Variants in ME3 observed in about 807,000 individuals in gnomAD.
ME3 encodes NADP-dependent malic enzyme, mitochondrial.
Under a neutral mutation model 68.9 loss-of-function variants are expected in ME3, and 48 were observed. The observed-to-expected ratio is 0.70, with a 90% confidence interval of 0.55 to 0.89. The LOEUF (loss-of-function observed/expected upper bound fraction) is 0.89. Among genes scored for constraint, ME3 ranks in the 40% least tolerant of loss-of-function variants. The pLI, the probability that ME3 is intolerant of heterozygous loss-of-function variation, is 0.00. For missense variants in ME3, 675 were observed against 797.4 expected (o/e 0.85, Z 1.85); for synonymous variants, 320 against 318.8 (o/e 1.00, Z -0.04).
At chr11:86,671,412 A>G (rs1946930838) in intron 2 of ME3, among the ~76,000 whole-genome samples, 2 of 152,244 alleles carry the variant, frequency 1.3e-5, no homozygotes, top group Non-Finnish European at 2.9e-5. Context: ...CAGATAAGGA[A>G]ACCTAGGCTC....
chr11:86,651,166 G>C (rs1272593959), intron 2 of ME3, among the ~76,000 whole-genome samples: 2 of 152,192 alleles, frequency 1.3e-5, no homozygotes, highest in African/African-American at 4.8e-5. Flanking sequence ...CCACTTCTGG[G>C]GGCAGGGCAT....
At chr11:86,574,120 A>G (rs984605503) in intron 2 of ME3, among the ~76,000 whole-genome samples, 4 of 152,178 alleles carry the variant, frequency 2.6e-5, no homozygotes, top group Non-Finnish European at 4.4e-5. Context: ...CATTTTATCA[A>G]GGTTTTTAAC....
At position 86,449,576 on chromosome 11, in the gene ME3, G is replaced by C. The variant is rs944052896; in HGVS notation, c.1131+313C>G. Among the ~76,000 whole-genome samples, 55 of 152,322 alleles carry C rather than the reference G, an allele frequency of 3.6e-4. 1 individual carries two copies. The highest frequency in any genetic ancestry group is 3.6e-3 in the Admixed American group (55 of 15,306). On this transcript the variant is annotated intron_variant, in intron 10 of 14. Transcript: ENST00000543262. ...GAGAGCAATTCAGGCAGAACAAGAT[G>C]TGTAAAGATGTGGAAGACAGAGAGC...
At chr11:86,482,218 A>T (rs1354027442) in intron 7 of ME3, among the ~76,000 whole-genome samples, 1 of 152,184 alleles carries the variant, frequency 6.6e-6, no homozygotes, top group Non-Finnish European at 1.5e-5. Context: ...TTACACAGAC[A>T]CTTAGAGGCT....
intron 2 of ME3, among the ~76,000 whole-genome samples, chr11:86,561,995 A>C (rs7924879): frequency 0.24 from 35,924 of 152,076 alleles, 4,664 homozygotes; most frequent in East Asian, 0.53. Context: ...TGACAAATGC[A>C]TGTCATGCAT....
chr11:86,667,908 A>C (rs979094072), intron 2 of ME3: 1 of 152,236 alleles, frequency 6.6e-6, no homozygotes, highest in Non-Finnish European at 1.5e-5. Context: ...CATATAACCA[A>C]AGATTTACTC....
chr11:86,462,650 T>C, intron 8 of ME3: 1 of 1,246,318 alleles, frequency 8.0e-7, no homozygotes, highest in Non-Finnish European at 1.1e-6. Context: ...ATTAGGCATC[T>C]ATCATGTAGC....
At chr11:86,527,427 T>C (rs1197789910) in intron 4 of ME3, among the ~76,000 whole-genome samples, 3 of 152,184 alleles carry the variant, frequency 2.0e-5, no homozygotes, top group Admixed American at 2.0e-4. Flanking sequence ...TGGAACCAAG[T>C]TGGAAAATAC....
chr11:86,650,722 C>G (rs1349632604), intron 2 of ME3, among the ~76,000 whole-genome samples: 2 of 152,206 alleles, frequency 1.3e-5, no homozygotes, highest in Non-Finnish European at 1.5e-5. Context: ...GGGTTCATCT[C>G]ACCAGGGATT....
At chr11:86,559,486 G>A (rs1293968635) in intron 3 of ME3, among the ~76,000 whole-genome samples, 1 of 152,088 alleles carries the variant, frequency 6.6e-6, no homozygotes, top group Non-Finnish European at 1.5e-5. Flanking sequence ...TTTCCCCCAG[G>A]ACATGTCAGC....
chr11:86,521,554 T>C (rs1954314835), intron 4 of ME3, among the ~76,000 whole-genome samples: 1 of 152,096 alleles, frequency 6.6e-6, no homozygotes, highest in Non-Finnish European at 1.5e-5. Flanking sequence ...AGCCTCTCTT[T>C]AAATTTTCAG....
chr11:86,530,672 C>A (rs1037603741), intron 4 of ME3, among the ~76,000 whole-genome samples: 7 of 152,252 alleles, frequency 4.6e-5, no homozygotes, highest in Non-Finnish European at 8.8e-5. Context: ...TGGAACAGAA[C>A]AGAGCCCTCA....
In ME3 at chr11:86,450,448, C is replaced by T. The variant is rs770394309; in HGVS notation, c.920-50G>A. The T allele has an allele frequency of 4.6e-6, 7 of 1,505,944 alleles. No individual in the cohort carries two copies. The East Asian group carries it at 1.6e-4, about 34-fold the overall frequency. The allele number at this position is 1,505,944 out of a possible 1,614,324, so 93.3% of individuals were successfully genotyped here. On this transcript the variant is annotated intron_variant, in intron 8 of 14. Coordinates refer to ENST00000543262, the Ensembl canonical transcript of ME3. The stretch of plus-strand genomic sequence containing the variant: ...ACCTCTGGCCACAGGCCGCCAGCTC[C>T]CAAGAGAAGACCCTTGGCAGAGTTC...
At chr11:86,494,778 T>C (rs1430901062) in intron 6 of ME3, among the ~76,000 whole-genome samples, 1 of 152,170 alleles carries the variant, frequency 6.6e-6, no homozygotes, top group East Asian at 1.9e-4. Flanking sequence ...AGGCTGACCC[T>C]CATTTGTCTC....
chr11:86,475,100 A>C (rs545846705), intron 7 of ME3, among the ~76,000 whole-genome samples: 48 of 152,274 alleles, frequency 3.2e-4, no homozygotes, highest in Non-Finnish European at 1.3e-4. Context: ...TTTAGTTTGG[A>C]TGTATGTTGC....
chr11:86,587,799 T>C (rs180773449), intron 2 of ME3, among the ~76,000 whole-genome samples: 1 of 152,280 alleles, frequency 6.6e-6, no homozygotes, highest in African/African-American at 2.4e-5. Context: ...ACAGAACAAA[T>C]TGAGTTACTT....
chr11:86,441,488 T>C (rs1199703476), intron 14 of ME3, 48 bp from the exon 15 acceptor site: 1 of 1,505,842 alleles, frequency 6.6e-7, no homozygotes, highest in African/African-American at 1.4e-5. Context: ...AGGGGAAACC[T>C]GCTTAAGGAT....
chr11:86,491,937 A>G (rs1952034927), intron 6 of ME3, among the ~76,000 whole-genome samples: 1 of 152,236 alleles, frequency 6.6e-6, no homozygotes, highest in Non-Finnish European at 1.5e-5. Flanking sequence ...TAAATCTGGT[A>G]ACCCTATCTA....
At chr11:86,620,769 G>A (rs1019789032) in intron 2 of ME3, among the ~76,000 whole-genome samples, 2 of 152,180 alleles carry the variant, frequency 1.3e-5, no homozygotes, top group Non-Finnish European at 2.9e-5. Flanking sequence ...AGCTACTTGT[G>A]TGCCTTAATA....
Sources: gnomAD v4.1 joint callset for allele counts (sites outside exome capture counted in the v4.1 genomes callset) on GRCh38, gnomAD v4.1.1 for gene constraint, MANE v1.5 for transcripts, NCBI Gene and HGNC (gene_info 2026-07-23, HGNC 2026-07-21) for gene names.